The following PRRG1 variants were observed in gnomAD, a reference collection of about 807,000 sequenced individuals.
The protein encoded by PRRG1 is transmembrane gamma-carboxyglutamic acid protein 1.
PRRG1 carries 5 observed loss-of-function variants against 11.8 expected under a neutral mutation model. The ratio of observed to expected loss-of-function variants is 0.42; its 90% CI spans 0.22 to 0.89. The LOEUF (loss-of-function observed/expected upper bound fraction) is 0.89, where lower values mean the gene tolerates loss of function less well. Ranked by LOEUF, PRRG1 falls within the 40% of genes least tolerant of loss-of-function variation. PRRG1 has a pLI of 0.28. For synonymous variants in PRRG1, 66 were observed against 60.4 expected (o/e 1.09, Z -0.43); for missense variants, 155 against 166.1 (o/e 0.93, Z 0.37).
intron 1 of PRRG1, among the ~76,000 whole-genome samples, chrX:37,360,500 C>T (rs1263501349): frequency 8.9e-6 from 1 of 112,304 alleles, no homozygotes; most frequent in Non-Finnish European, 1.9e-5. Context: ...TTTAATTCCA[C>T]TGTAGTCTGA....
intron 1 of PRRG1, among the ~76,000 whole-genome samples, chrX:37,405,058 G>T (rs1556381628): frequency 8.9e-6 from 1 of 111,855 alleles, no homozygotes; most frequent in Non-Finnish European, 1.9e-5. Flanking sequence ...GCTCTGAAAA[G>T]TCTTATAATA....
chrX:37,363,575 C>T (rs1397050960), intron 1 of PRRG1, among the ~76,000 whole-genome samples: 1 of 111,959 alleles, frequency 8.9e-6, no homozygotes, highest in Non-Finnish European at 1.9e-5. Flanking sequence ...ATGATATTAT[C>T]CACTATATCT....
chrX:37,439,229 A>G (rs1464384192), intron 3 of PRRG1, among the ~76,000 whole-genome samples: 1 of 111,961 alleles, frequency 8.9e-6, no homozygotes, highest in Non-Finnish European at 1.9e-5. Context: ...CACTAATGCT[A>G]TAACTTAAAA....
At chrX:37,376,507 T>C (rs1308218215) in intron 1 of PRRG1, among the ~76,000 whole-genome samples, 2 of 76,632 alleles carry the variant, frequency 2.6e-5, no homozygotes, top group African/African-American at 9.2e-5. Context: ...GCTGAAAGTC[T>C]GGACTGTATA....
chrX:37,378,285 G>A (rs1931043324), intron 1 of PRRG1, among the ~76,000 whole-genome samples: 1 of 111,848 alleles, frequency 8.9e-6, no homozygotes, highest in African/African-American at 3.2e-5. Flanking sequence ...TGCTTCAGAG[G>A]TAAGGTGTTA....
At chrX:37,413,238 C>T (rs1288236016) in intron 2 of PRRG1, among the ~76,000 whole-genome samples, 1 of 110,479 alleles carries the variant, frequency 9.1e-6, no homozygotes, top group Non-Finnish European at 1.9e-5. Context: ...ATGACATGTA[C>T]CCACCATTAT....
At chrX:37,373,054 T>C (rs1930819185) in intron 1 of PRRG1, among the ~76,000 whole-genome samples, 1 of 112,289 alleles carries the variant, frequency 8.9e-6, no homozygotes, top group Admixed American at 9.4e-5. Context: ...GAAGAGACTC[T>C]CCTTTTCCCA....
intron 2 of PRRG1, among the ~76,000 whole-genome samples, chrX:37,425,317 T>C (rs1249160834): frequency 1.8e-5 from 2 of 111,697 alleles, no homozygotes; most frequent in Non-Finnish European, 3.8e-5. Flanking sequence ...TATTAGGATT[T>C]CCATAGAATG....
At chrX:37,401,292 A>G (rs1556380184) in intron 1 of PRRG1, among the ~76,000 whole-genome samples, 2 of 111,151 alleles carry the variant, frequency 1.8e-5, no homozygotes, top group African/African-American at 6.6e-5. Flanking sequence ...CACCATGATC[A>G]AGTGGGCTTC....
intron 2 of PRRG1, among the ~76,000 whole-genome samples, chrX:37,414,030 C>T (rs1483259464): frequency 9.0e-6 from 1 of 111,545 alleles, no homozygotes; most frequent in Non-Finnish European, 1.9e-5. Context: ...AAGTATACTC[C>T]ATGATGTTTG....
chrX:37,447,875 A>G (rs973944433), intron 3 of PRRG1, among the ~76,000 whole-genome samples: 8 of 112,535 alleles, frequency 7.1e-5, no homozygotes, highest in Non-Finnish European at 9.4e-5. Context: ...TATGCATGCC[A>G]TGGATATATA....
At chrX:37,391,754 G>A (rs1266644472) in intron 1 of PRRG1, among the ~76,000 whole-genome samples, 2 of 112,203 alleles carry the variant, frequency 1.8e-5, no homozygotes, top group African/African-American at 6.5e-5. Flanking sequence ...AGGGCATCTA[G>A]ATTGTTTGAT....
intron 2 of PRRG1, among the ~76,000 whole-genome samples, chrX:37,424,343 A>T (rs1556387833): frequency 9.0e-6 from 1 of 110,962 alleles, no homozygotes. Flanking sequence ...TAGAAATGTA[A>T]TTTTATAGCC....
At chrX:37,427,088 A>G (rs1303877572) in intron 3 of PRRG1, among the ~76,000 whole-genome samples, 2 of 111,793 alleles carry the variant, frequency 1.8e-5, no homozygotes, top group Non-Finnish European at 3.8e-5. Context: ...TAAACCATAA[A>G]CAAAACGTGG....
chrX:37,420,831 T>C (rs1602021045), intron 2 of PRRG1, among the ~76,000 whole-genome samples: 1 of 110,595 alleles, frequency 9.0e-6, no homozygotes, highest in Non-Finnish European at 1.9e-5. Flanking sequence ...CACTGCACTC[T>C]AGCCTGGGCT....
At chrX:37,430,616 C>G (rs1932817521) in intron 3 of PRRG1, among the ~76,000 whole-genome samples, 1 of 111,704 alleles carries the variant, frequency 9.0e-6, no homozygotes, top group Non-Finnish European at 1.9e-5. Context: ...TGCATGCATG[C>G]ATGCATTTTT....
chrX:37,447,635 ACAATAT>A (rs1386739531), intron 3 of PRRG1, among the ~76,000 whole-genome samples: 2 of 112,677 alleles, frequency 1.8e-5, no homozygotes, highest in African/African-American at 6.4e-5. Flanking sequence ...GTGAGATGCA[ACAATAT>A]CTCTAATTTT....
chrX:37,441,993 C>G (rs1390853902), intron 3 of PRRG1: 2 of 767,722 alleles, frequency 2.6e-6, no homozygotes, highest in Non-Finnish European at 3.1e-6. Flanking sequence ...GCAACCTGTG[C>G]AAGACGTGAG....
intron 3 of PRRG1, among the ~76,000 whole-genome samples, chrX:37,438,963 A>G (rs1932927688): frequency 8.9e-6 from 1 of 111,847 alleles, no homozygotes; most frequent in African/African-American, 3.3e-5. Flanking sequence ...AGTCCCCTCT[A>G]GGGCAGGACA....
Sources: gnomAD v4.1 joint callset for allele counts (sites outside exome capture counted in the v4.1 genomes callset) on GRCh38, gnomAD v4.1.1 for gene constraint, MANE v1.5 for transcripts, NCBI Gene and HGNC (gene_info 2026-07-23, HGNC 2026-07-21) for gene names.